NGEF: variants seen among roughly 807,000 people sequenced by gnomAD.
NGEF encodes neuronal guanine nucleotide exchange factor.
A neutral mutation model predicts 80.9 loss-of-function variants in NGEF; 31 were observed. The ratio of observed to expected loss-of-function variants is 0.38; its 90% CI spans 0.29 to 0.52. The LOEUF is 0.52. Ranked by LOEUF, NGEF falls within the 20% of genes least tolerant of loss-of-function variation. NGEF has a pLI of 0.84. For synonymous variants in NGEF, 371 were observed against 370.2 expected (o/e 1.00, Z -0.03); for missense variants, 709 against 926.2 (o/e 0.77, Z 3.04).
Position 232,906,498 on chromosome 2 carries a change from A to AG in NGEF, c.829-11583_829-11582insC, listed in dbSNP as rs773062226. 1.8e-3 allele frequency among the ~76,000 whole-genome samples: 38 copies of AG among 21,466 alleles called. 1 individual carries two copies. Among genetic ancestry groups the AG allele is most frequent in the African/African-American group, 3.4e-3 (17 of 4,998 alleles). 14.1% of individuals were successfully genotyped at this position (21,466 alleles called of 152,430 possible). On this transcript the variant is annotated intron_variant, in intron 5 of 14. Coordinates refer to ENST00000264051, the MANE Select transcript of NGEF (RefSeq NM_019850.3). ...AAGTGAGGAGCCCCTCTGCCCGGCC[A>AG]CCACCCCGTGTGGGAGGGAGGTGGG...
intron 3 of NGEF, among the ~76,000 whole-genome samples, chr2:232,941,737 C>T (rs2106297141): frequency 6.6e-6 from 1 of 152,308 alleles, no homozygotes. Flanking sequence ...GCCTGGTCCA[C>T]TTGAAAATGA....
At chr2:232,887,008 G>A (rs759078000) in intron 9 of NGEF, among the ~76,000 whole-genome samples, 3 of 152,266 alleles carry the variant, frequency 2.0e-5, no homozygotes, top group Non-Finnish European at 4.4e-5. Context: ...GAAAGGGACA[G>A]GAGGAGTGGC....
chr2:232,979,265 TAA>T (rs1398439441), intron 1 of NGEF, among the ~76,000 whole-genome samples: 16 of 151,456 alleles, frequency 1.1e-4, no homozygotes, highest in Non-Finnish European at 4.4e-5. Context: ...CATGGTACAT[TAA>T]GAGTCAGGGG....
chr2:232,898,707 T>A (rs1350857718), intron 5 of NGEF, among the ~76,000 whole-genome samples: 1 of 152,240 alleles, frequency 6.6e-6, no homozygotes, highest in Non-Finnish European at 1.5e-5. Context: ...TCACTGAGCA[T>A]CTGCTGAGCA....
At chr2:232,995,574 A>ACTATATACACAGTATGTATACTG in intron 1 of NGEF, among the ~76,000 whole-genome samples, 1 of 60,034 alleles carries the variant, frequency 1.7e-5, no homozygotes, top group African/African-American at 1.9e-4. Context: ...TATACTGTAT[A>ACTATATACACAGTATGTATACTG]TATATATACA....
chr2:232,928,077 C>A, intron 3 of NGEF: 1 of 1,128,094 alleles, frequency 8.9e-7, no homozygotes, highest in South Asian at 4.3e-5. Context: ...GGGCGACTAG[C>A]GGGCTGCGGA....
At chr2:232,963,907 T>C (rs1694005008) in intron 3 of NGEF, among the ~76,000 whole-genome samples, 1 of 152,130 alleles carries the variant, frequency 6.6e-6, no homozygotes, top group Non-Finnish European at 1.5e-5. Context: ...AGAGAACTCC[T>C]ACAAATTAAA....
chr2:232,970,944 C>A (rs7583124), intron 2 of NGEF, among the ~76,000 whole-genome samples: 2 of 152,050 alleles, frequency 1.3e-5, no homozygotes, highest in African/African-American at 4.8e-5. Context: ...AAAACCATAA[C>A]GATTGGTGTT....
At position 232,902,351 on chromosome 2, in the gene NGEF, G is replaced by A. The variant is rs191668620; in HGVS notation, c.829-7435C>T. On this transcript the variant is annotated intron_variant, in intron 5 of 14. Transcript: ENST00000264051. Reference sequence around the variant, plus strand: ...CAGAGCCAGAGCCCGAGCCCAGCCCGCTGCAGCGCAGTCTTTAGTGAATTC... The same window carrying A: ...CAGAGCCAGAGCCCGAGCCCAGCCCACTGCAGCGCAGTCTTTAGTGAATTC... 2.0e-4 allele frequency among the ~76,000 whole-genome samples: 30 copies of A among 152,334 alleles called. 2 individuals are homozygous for A. The highest frequency in any genetic ancestry group is 1.6e-3 in the Admixed American group (25 of 15,300).
In NGEF at chr2:232,884,144, A is replaced by G; in HGVS notation, c.1438T>C (p.Ser480Pro). The G allele has an allele frequency of 6.3e-7, 1 of 1,593,706 alleles. No homozygotes were observed. Among genetic ancestry groups the G allele is most frequent in the African/African-American group, 1.3e-5 (1 of 74,630 alleles). Residue 480 changes from serine (S) to proline (P), a missense_variant and splice_region_variant, in exon 11 of 15, where the codon TCG becomes CCG. By Grantham distance (74) the Ser-to-Pro change is moderately conservative. Coordinates refer to ENST00000264051, the MANE Select transcript of NGEF (RefSeq NM_019850.3). ...CGGGAGTGGGAGATGATGGGCACCG[A>G]CTGCAGCGGGGAAAGGGCATCAGGC... ...IQKKMEFKIK[S>P]VPIISHSRWL... is the part of the protein sequence containing the mutation.
chr2:232,978,970 T>A (rs928893406), intron 1 of NGEF, among the ~76,000 whole-genome samples: 4 of 152,232 alleles, frequency 2.6e-5, no homozygotes, highest in African/African-American at 9.6e-5. Flanking sequence ...CTGTGTTCGC[T>A]GCTCTGTCGA....
intron 1 of NGEF, among the ~76,000 whole-genome samples, chr2:233,006,473 A>C (rs1695085747): frequency 6.6e-6 from 1 of 152,196 alleles, no homozygotes; most frequent in Non-Finnish European, 1.5e-5. Context: ...TTAGCCAAGC[A>C]CAGAGTATGA....
chr2:232,972,072 A>G (rs1235519485), intron 2 of NGEF, among the ~76,000 whole-genome samples: 1 of 152,240 alleles, frequency 6.6e-6, no homozygotes, highest in Non-Finnish European at 1.5e-5. Flanking sequence ...TGTAATTTAC[A>G]TTTAAAAGTA....
intron 1 of NGEF, among the ~76,000 whole-genome samples, chr2:232,980,954 C>A (rs547227448): frequency 1.3e-5 from 2 of 152,010 alleles, no homozygotes; most frequent in Admixed American, 6.5e-5. Flanking sequence ...GGAGTGCCTG[C>A]GCAGGTCAGA....
intron 3 of NGEF, among the ~76,000 whole-genome samples, chr2:232,942,866 C>T (rs986634708): frequency 2.1e-5 from 3 of 145,008 alleles, no homozygotes; most frequent in South Asian, 2.1e-4. Flanking sequence ...CATTATTTTC[C>T]GGGGGGGAGT....
intron 1 of NGEF, among the ~76,000 whole-genome samples, chr2:232,977,469 G>A (rs1453934515): frequency 6.6e-6 from 1 of 152,216 alleles, no homozygotes; most frequent in Non-Finnish European, 1.5e-5. Context: ...TGGAGGCGCT[G>A]TTGAGGTTTT....
At chr2:232,961,645 A>G (rs1395051304) in intron 3 of NGEF, among the ~76,000 whole-genome samples, 1 of 151,314 alleles carries the variant, frequency 6.6e-6, no homozygotes, top group African/African-American at 2.4e-5. Flanking sequence ...GGTGCCCGCC[A>G]CCACGCCCAG....
Position 232,883,470 on chromosome 2 carries a change from G to A in NGEF, c.1602-4C>T. 6.3e-7 allele frequency: 1 copy of A among 1,583,704 alleles called. No homozygotes were observed. The highest frequency in any genetic ancestry group is 1.3e-5 in the African/African-American group (1 of 74,294). On this transcript the variant is annotated splice_region_variant and splice_polypyrimidine_tract_variant and intron_variant, in intron 11 of 14. Coordinates refer to ENST00000264051, the MANE Select transcript of NGEF (RefSeq NM_019850.3). ...GTCAAATACCTGGTACTTGTCTCTG[G>A]AGATCAGGGAGAAGGGCAGGCGTGT...
At chr2:232,968,195 T>G (rs1274393254) in intron 3 of NGEF, among the ~76,000 whole-genome samples, 2 of 151,534 alleles carry the variant, frequency 1.3e-5, no homozygotes, top group Non-Finnish European at 2.9e-5. Flanking sequence ...TTCAAGTGAT[T>G]CTCCTGCCTC....
Sources: allele counts gnomAD v4.1 joint callset (sites outside exome capture counted in the v4.1 genomes callset), GRCh38; gene constraint gnomAD v4.1.1; transcripts MANE v1.5; gene names NCBI Gene and HGNC (gene_info 2026-07-23, HGNC 2026-07-21).